Variants in ARHGAP40 observed in about 807,000 individuals in gnomAD.
ARHGAP40 encodes Rho GTPase activating protein 40.
Under a neutral mutation model 73.5 loss-of-function variants are expected in ARHGAP40, and 43 were observed. The observed-to-expected ratio is 0.58, with a 90% CI of 0.46 to 0.75. The LOEUF is 0.75. ARHGAP40 is among the 30% of genes least tolerant of loss of function. ARHGAP40 has a pLI of 0.00. For missense variants in ARHGAP40, 734 were observed against 861.8 expected (o/e 0.85, Z 1.86); for synonymous variants, 300 against 352.8 (o/e 0.85, Z 1.68).
At chr20:38,644,931 T>C (rs1050255829) in intron 11 of ARHGAP40, among the ~76,000 whole-genome samples, 13 of 151,598 alleles carry the variant, frequency 8.6e-5, no homozygotes, top group East Asian at 5.8e-4. Context: ...TCCTTCCCTC[T>C]ATCCCTTCCT....
chr20:38,630,349 A>G (rs1408244734), intron 5 of ARHGAP40, among the ~76,000 whole-genome samples: 1 of 151,806 alleles, frequency 6.6e-6, no homozygotes, highest in Admixed American at 6.6e-5. Flanking sequence ...TCTCTCAAGT[A>G]GCTAGGACTA....
At chr20:38,637,144 CTT>C (rs11482478) in intron 6 of ARHGAP40, among the ~76,000 whole-genome samples, 1 of 145,360 alleles carries the variant, frequency 6.9e-6, no homozygotes. Context: ...CCTTTCAATA[CTT>C]TTTTTTTTTT....
At chr20:38,640,104 C>T (rs220534) in intron 9 of ARHGAP40, among the ~76,000 whole-genome samples, 80,270 of 143,894 alleles carry the variant, frequency 0.56, 22,350 homozygotes, top group South Asian at 0.62. Flanking sequence ...CTTCTTCTTC[C>T]TCCTCTTCTT....
intron 1 of ARHGAP40, among the ~76,000 whole-genome samples, chr20:38,620,612 CAG>C: frequency 6.6e-6 from 1 of 152,346 alleles, no homozygotes; most frequent in East Asian, 1.9e-4. Context: ...GGGTGCCAAA[CAG>C]ATTCGCAGGA....
chr20:38,626,742 G>A (rs762215644), intron 2 of ARHGAP40, among the ~76,000 whole-genome samples: 1 of 152,116 alleles, frequency 6.6e-6, no homozygotes, highest in Non-Finnish European at 1.5e-5. Context: ...GTTTTCCAGG[G>A]ATTGCTATGT....
intron 1 of ARHGAP40, among the ~76,000 whole-genome samples, chr20:38,609,153 T>TG (rs34302325): frequency 6.6e-6 from 1 of 152,084 alleles, no homozygotes. Context: ...TAGTGGGTAG[T>TG]GGGGGGGTTA....
At chr20:38,641,909 C>G in intron 10 of ARHGAP40, 101 bp downstream of exon 10, 1 of 930,256 alleles carries the variant, frequency 1.1e-6, no homozygotes, top group Non-Finnish European at 1.4e-6. Context: ...TTCAACAACT[C>G]TGCCAGGTGC....
chr20:38,628,828 C>T, intron 3 of ARHGAP40, 99 bp from the exon 4 acceptor site: 1 of 843,266 alleles, frequency 1.2e-6, no homozygotes, highest in Non-Finnish European at 1.7e-6. Context: ...GTGGCTCCAT[C>T]TGTGAAAAGG....
chr20:38,648,129 A>G (rs1273219816), intron 13 of ARHGAP40, among the ~76,000 whole-genome samples: 1 of 152,236 alleles, frequency 6.6e-6, no homozygotes, highest in Non-Finnish European at 1.5e-5. Context: ...AGATGGGAGC[A>G]CTAAGACTCA....
At chr20:38,630,159 C>T (rs2088929825) in intron 5 of ARHGAP40, among the ~76,000 whole-genome samples, 1 of 146,054 alleles carries the variant, frequency 6.8e-6, no homozygotes, top group Admixed American at 7.0e-5. Context: ...CCCTCCCTCC[C>T]TCCCTTCCTT....
intron 1 of ARHGAP40, among the ~76,000 whole-genome samples, chr20:38,607,622 G>C (rs965867264): frequency 1.3e-5 from 2 of 152,076 alleles, no homozygotes; most frequent in Non-Finnish European, 2.9e-5. Flanking sequence ...CACAACCCTG[G>C]GGTCCTCACC....
intron 3 of ARHGAP40, 110 bp from the exon 4 acceptor site, chr20:38,628,817 A>T: frequency 1.3e-6 from 1 of 742,464 alleles, no homozygotes; most frequent in Non-Finnish European, 1.9e-6. Context: ...TCTGGGCTTC[A>T]GTGGCTCCAT....
intron 14 of ARHGAP40, 91 bp from the exon 15 acceptor site, chr20:38,649,666 G>A (rs141406179): frequency 1.5e-5 from 11 of 734,720 alleles, no homozygotes; most frequent in African/African-American, 1.1e-4. Context: ...ACAGCCAGGG[G>A]ACAGTGCACT....
intron 3 of ARHGAP40, 37 bp from the exon 4 acceptor site, chr20:38,628,890 C>T (rs768702378): frequency 7.8e-6 from 10 of 1,283,452 alleles, no homozygotes; most frequent in Non-Finnish European, 1.0e-5. Context: ...GTCAGCTTCC[C>T]ACATGAGTAA....
chr20:38,647,554 A>C (rs2089062514), intron 13 of ARHGAP40, among the ~76,000 whole-genome samples: 1 of 145,766 alleles, frequency 6.9e-6, no homozygotes, highest in Non-Finnish European at 1.6e-5. Context: ...CCATGCCTGG[A>C]TAATTTTTTT....
chr20:38,628,673 C>G (rs1428138556), intron 3 of ARHGAP40, among the ~76,000 whole-genome samples: 1 of 152,188 alleles, frequency 6.6e-6, no homozygotes, highest in Non-Finnish European at 1.5e-5. Flanking sequence ...TTGTGGGCAT[C>G]ATCTTTCTTG....
intron 11 of ARHGAP40, 130 bp downstream of exon 11, chr20:38,644,040 C>T (rs1160961665): frequency 1.9e-5 from 15 of 780,422 alleles, no homozygotes; most frequent in Non-Finnish European, 2.1e-5. Flanking sequence ...GGCCTCTGCA[C>T]AGGCCTGTGT....
chr20:38,609,134 T>A (rs1163984524), intron 1 of ARHGAP40, among the ~76,000 whole-genome samples: 1 of 152,180 alleles, frequency 6.6e-6, no homozygotes, highest in Non-Finnish European at 1.5e-5. Context: ...ATTTACAGAT[T>A]CCAGGGAGTA....
chr20:38,646,291 A>G lies in ARHGAP40; in HGVS notation c.1710+104A>G, dbSNP rs1175031870. 1 of 1,169,148 alleles carries G rather than the reference A, an allele frequency of 8.6e-7. No homozygotes were observed. Among genetic ancestry groups the G allele is most frequent in the Admixed American group, 3.4e-5 (1 of 29,518 alleles). The allele number at this position is 1,169,148 out of a possible 1,614,324, so 72.4% of individuals were successfully genotyped here. A position where few individuals can be genotyped will look rare whatever the true frequency, so the allele number is the denominator to read the frequency against. ...TCCAGGTCCCCGCTACCGGGCTGCC[A>G]GCAACGGCCCAGTGAGGCCACCAGG... On this transcript the variant is annotated intron_variant, in intron 12 of 14. Coordinates refer to ENST00000373345, the Ensembl canonical transcript of ARHGAP40. The surrounding 1 kb of genome is among the most constrained non-coding windows in gnomAD (Gnocchi z 4.5).
Sources: allele counts gnomAD v4.1 joint callset (sites outside exome capture counted in the v4.1 genomes callset), GRCh38; gene constraint gnomAD v4.1.1; non-coding constraint Gnocchi (gnomAD v3.1); transcripts MANE v1.5; gene names NCBI Gene and HGNC (gene_info 2026-07-23, HGNC 2026-07-21).